SP4: variants seen among roughly 807,000 people sequenced by gnomAD.
The protein encoded by SP4 is transcription factor Sp4.
Under a neutral mutation model 72.8 loss-of-function variants are expected in SP4, and 19 were observed. The observed-to-expected ratio is 0.26, with a 90% CI of 0.18 to 0.38. SP4 has a LOEUF of 0.38. Ranked by LOEUF, SP4 falls within the 10% of genes least tolerant of loss-of-function variation. SP4 has a pLI of 1.00. For missense variants in SP4, 1,008 were observed against 926.3 expected, an observed-to-expected ratio of 1.09 and a Z score of -1.14; for synonymous variants, 395 against 333.1, an observed-to-expected ratio of 1.19 and a Z score of -2.02.
intron 5 of SP4, among the ~76,000 whole-genome samples, chr7:21,493,092 T>G (rs995313686): frequency 9.2e-5 from 14 of 151,820 alleles, no homozygotes; most frequent in African/African-American, 1.5e-4. Flanking sequence ...TCCAGCTAAT[T>G]GGAAGGCTGA....
At chr7:21,436,555 T>G (rs1478995035) in intron 3 of SP4, among the ~76,000 whole-genome samples, 1 of 152,202 alleles carries the variant, frequency 6.6e-6, no homozygotes, top group Non-Finnish European at 1.5e-5. Flanking sequence ...GATTCTGCAC[T>G]GCTACATTAA....
intron 3 of SP4, among the ~76,000 whole-genome samples, chr7:21,439,478 T>C (rs79730775): frequency 0.011 from 1,736 of 152,088 alleles, 15 homozygotes; most frequent in South Asian, 0.033. Flanking sequence ...AATTTCTCAT[T>C]CCCTACTCCC....
chr7:21,450,425 T>G (rs1457108544), intron 3 of SP4, among the ~76,000 whole-genome samples: 1 of 152,128 alleles, frequency 6.6e-6, no homozygotes, highest in Non-Finnish European at 1.5e-5. Flanking sequence ...TGCTTTGGGG[T>G]GCAATAGGTT....
chr7:21,500,762 G>A (rs921304110), intron 5 of SP4, among the ~76,000 whole-genome samples: 7 of 152,050 alleles, frequency 4.6e-5, no homozygotes, highest in African/African-American at 1.7e-4. Context: ...AAAGCTCTTC[G>A]CTTTTAAGAA....
At chr7:21,464,017 C>T (rs986982152) in intron 3 of SP4, among the ~76,000 whole-genome samples, 2 of 151,916 alleles carry the variant, frequency 1.3e-5, no homozygotes, top group Non-Finnish European at 2.9e-5. Flanking sequence ...GTACTTTGCA[C>T]AGTGCTTAGA....
intron 5 of SP4, among the ~76,000 whole-genome samples, chr7:21,504,947 A>G (rs1781957853): frequency 1.3e-5 from 2 of 152,260 alleles, no homozygotes; most frequent in South Asian, 4.2e-4. Context: ...TTGAGTGAGC[A>G]CCCCAAGGGT....
chr7:21,491,669 C>T (rs565226375), intron 5 of SP4, among the ~76,000 whole-genome samples: 10 of 152,104 alleles, frequency 6.6e-5, no homozygotes, highest in Admixed American at 3.9e-4. Flanking sequence ...CATTATATAC[C>T]GGGGAACAAA....
intron 3 of SP4, among the ~76,000 whole-genome samples, chr7:21,470,765 AAAAAG>A: frequency 6.6e-6 from 1 of 151,256 alleles, no homozygotes; most frequent in Non-Finnish European, 1.5e-5. Flanking sequence ...AAAAAAAAAA[AAAAAG>A]CAGAACAAAA....
chr7:21,492,252 A>C (rs1784998668), intron 5 of SP4, among the ~76,000 whole-genome samples: 1 of 152,228 alleles, frequency 6.6e-6, no homozygotes, highest in African/African-American at 2.4e-5. Context: ...ACCACTACAG[A>C]GAGGGTGGGT....
intron 5 of SP4, among the ~76,000 whole-genome samples, chr7:21,494,485 G>A (rs1034356964): frequency 6.6e-6 from 1 of 152,198 alleles, no homozygotes; most frequent in African/African-American, 2.4e-5. Flanking sequence ...CATCCTAGCA[G>A]TGAATAACGG....
chr7:21,487,250 G>C (rs1187227919), intron 5 of SP4, among the ~76,000 whole-genome samples: 2 of 151,934 alleles, frequency 1.3e-5, no homozygotes, highest in African/African-American at 2.4e-5. Context: ...TTAATCTGTG[G>C]TGTGCTGCTA....
intron 5 of SP4, among the ~76,000 whole-genome samples, chr7:21,491,534 G>T (rs144906273): frequency 6.6e-6 from 1 of 152,092 alleles, no homozygotes; most frequent in Admixed American, 6.5e-5. Flanking sequence ...CCCATGTTAG[G>T]TATAATAGGT....
chr7:21,457,732 C>A (rs575206226), intron 3 of SP4, among the ~76,000 whole-genome samples: 1 of 151,694 alleles, frequency 6.6e-6, no homozygotes, highest in Non-Finnish European at 1.5e-5. Context: ...AAGGGGTAAG[C>A]GGTATGACCA....
intron 5 of SP4, among the ~76,000 whole-genome samples, chr7:21,508,612 C>T (rs368773356): frequency 5.9e-5 from 9 of 152,198 alleles, no homozygotes; most frequent in African/African-American, 2.2e-4. Flanking sequence ...CAGGTGTGAG[C>T]CACCGCGCCC....
chr7:21,429,738 T>C lies in SP4; in HGVS notation c.573T>C (p.Asp191=). The C allele has an allele frequency of 6.2e-7, 1 of 1,614,136 alleles. No individual in the cohort carries two copies. Residue 191 remains aspartate, a synonymous_variant, in exon 3 of 6, where the codon GAT becomes GAC. Transcript: ENST00000222584. ...INPTSSSSLQ[D]LQGQIQLISA... ...CAACTAGTAGTTCATCTCTACAGGATTTGCAGGGTCAAATTCAGCTCATTT... is the reference window on the plus strand; with the variant it reads ...CAACTAGTAGTTCATCTCTACAGGACTTGCAGGGTCAAATTCAGCTCATTT...
intron 3 of SP4, among the ~76,000 whole-genome samples, chr7:21,472,559 C>T (rs1421213929): frequency 6.6e-6 from 1 of 151,952 alleles, no homozygotes; most frequent in South Asian, 2.1e-4. Flanking sequence ...TCCCAAAGTG[C>T]GGGGATTACA....
At chr7:21,487,774 G>A (rs1164181975) in intron 5 of SP4, among the ~76,000 whole-genome samples, 3 of 150,020 alleles carry the variant, frequency 2.0e-5, no homozygotes, top group Non-Finnish European at 4.4e-5. Context: ...GGTGGTGGTG[G>A]TGGTGGTGGT....
chr7:21,482,554 C>T (rs1287731332), intron 5 of SP4: 1 of 510,998 alleles, frequency 2.0e-6, no homozygotes, highest in East Asian at 1.5e-4. Flanking sequence ...ATCTAACAAC[C>T]CTCAGTCAGA....
intron 3 of SP4, among the ~76,000 whole-genome samples, chr7:21,460,646 C>T (rs1011827380): frequency 6.6e-5 from 10 of 152,114 alleles, no homozygotes; most frequent in East Asian, 3.9e-4. Context: ...TACAGAGAGC[C>T]GATTGGTCTG....
Sources: gnomAD v4.1 joint callset for allele counts (sites outside exome capture counted in the v4.1 genomes callset) on GRCh38, gnomAD v4.1.1 for gene constraint, MANE v1.5 for transcripts, NCBI Gene and HGNC (gene_info 2026-07-23, HGNC 2026-07-21) for gene names.